EMG1: variants seen among roughly 807,000 people sequenced by gnomAD.
EMG1 encodes ribosomal RNA small subunit methyltransferase NEP1.
Under a neutral mutation model 26.9 loss-of-function variants are expected in EMG1, and 24 were observed. That is an observed-to-expected ratio of 0.89 (90% CI 0.65 to 1.26). The LOEUF is 1.26. Among genes scored for constraint, EMG1 ranks in the 50% most tolerant of loss-of-function variants. The pLI, the probability that EMG1 is intolerant of heterozygous loss-of-function variation, is 0.00. For synonymous variants in EMG1, 140 were observed against 112.6 expected (o/e 1.24, Z -1.54); for missense variants, 299 against 307.6 (o/e 0.97, Z 0.21).
At chr12:6,985,217 C>T (rs1456195282) in intron 6 of EMG1, among the ~76,000 whole-genome samples, 2 of 151,598 alleles carry the variant, frequency 1.3e-5, no homozygotes, top group African/African-American at 4.9e-5. Flanking sequence ...CGGTGAAACC[C>T]CGTCTCTACT....
intron 7 of EMG1, among the ~76,000 whole-genome samples, chr12:6,996,537 C>T (rs1215143801): frequency 6.6e-6 from 1 of 152,210 alleles, no homozygotes; most frequent in Non-Finnish European, 1.5e-5. Context: ...GTGCATAGTA[C>T]AGTTCCTGGT....
intron 6 of EMG1, among the ~76,000 whole-genome samples, chr12:6,985,259 G>A (rs868945618): frequency 1.3e-5 from 2 of 152,134 alleles, no homozygotes; most frequent in Middle Eastern, 3.4e-3. Context: ...AGCCGGGTGT[G>A]GTGGCGGGCG....
At chr12:6,972,328 A>G (rs902003452) in intron 1 of EMG1, among the ~76,000 whole-genome samples, 2 of 152,132 alleles carry the variant, frequency 1.3e-5, no homozygotes, top group African/African-American at 4.8e-5. Context: ...TGTCTCATGG[A>G]CTTAGTTCTT....
At chr12:6,981,729 G>C, downstream of EMG1, 2 of 1,365,978 alleles carry the variant, frequency 1.5e-6, no homozygotes, top group African/African-American at 1.4e-5. Flanking sequence ...GGCGGGGGGC[G>C]GAGGGGGGGT....
In EMG1 at chr12:6,978,779, A is replaced by G; in HGVS notation, c.*2970A>G. 1 of 1,550,718 alleles carries G rather than the reference A, an allele frequency of 6.4e-7. No individual in the cohort carries two copies. The highest frequency in any genetic ancestry group is 1.4e-5 in the African/African-American group (1 of 73,520). On this transcript the variant is annotated 3_prime_UTR_variant, in exon 6 of 6. Coordinates refer to ENST00000599672, the MANE Select transcript of EMG1 (RefSeq NM_006331.8). ...TTCCTTTTCACACTTGTGGCTGGCT[A>G]CTTCATACCTGCCTGAGTCCTGCTG...
Position 6,974,901 on chromosome 12 carries a change from G to T in EMG1, c.413-189G>T, listed in dbSNP as rs1946374750. The T allele has an allele frequency of 3.8e-6, 3 of 791,012 alleles. No individual in the cohort carries two copies. The South Asian group carries it at 5.0e-5, about 13-fold the overall frequency. 49.0% of individuals were successfully genotyped at this position (791,012 alleles called of 1,614,324 possible). On this transcript the variant is annotated intron_variant, in intron 3 of 5. Coordinates refer to ENST00000599672, the MANE Select transcript of EMG1 (RefSeq NM_006331.8). ...TAGCTTCCTGGCTGAGTGAAAGAGG[G>T]AGTCTGAACCCATCACTGTACAGCT...
chr12:6,983,567 G>T, downstream of EMG1: 1 of 1,426,262 alleles, frequency 7.0e-7, no homozygotes, highest in Non-Finnish European at 9.9e-7. Context: ...TAAGAAGAGT[G>T]TTATTTGTGC....
chr12:6,974,642 A>T lies in EMG1; in HGVS notation c.361A>T (p.Asn121Tyr). 6.2e-7 allele frequency: 1 copy of T among 1,614,008 alleles called. No homozygotes were observed. The highest frequency in any genetic ancestry group is 8.5e-7 in the Non-Finnish European group (1 of 1,179,892). ...ACAGAAGAATGTTCTGATTGAAGTG[A>T]ATCCCCAGACCCGAATTCCCAGAAC... The part of the protein sequence containing the change: ...HTQKNVLIEV[N>Y]PQTRIPRTFD... Residue 121 changes from asparagine to tyrosine, a missense_variant, in exon 3 of 6, where the codon AAT (asparagine) becomes TAT (tyrosine). Physicochemically the swap from Asn to Tyr is moderately radical, Grantham distance 143. Transcript: ENST00000599672.
At chr12:6,988,651 G>A (rs1192916956), downstream of EMG1, among the ~76,000 whole-genome samples, 3 of 152,154 alleles carry the variant, frequency 2.0e-5, no homozygotes, top group Non-Finnish European at 4.4e-5. Flanking sequence ...GTTGGCTTCC[G>A]TGGGTCTGAG....
Position 6,979,577 on chromosome 12 carries a change from A to T in EMG1, c.*3768A>T. 2.5e-6 allele frequency: 4 copies of T among 1,609,534 alleles called. No individual in the cohort carries two copies. Among genetic ancestry groups the T allele is most frequent in the Non-Finnish European group, 3.4e-6 (4 of 1,175,784 alleles). On this transcript the variant is annotated 3_prime_UTR_variant, in exon 6 of 6. Transcript: ENST00000599672. ...ACTCAGGCGCTTGAGAGCAGGAATGATGCTGGAAAGGAACGAGTGAAGTTC... is the reference window on the plus strand; with the variant it reads ...ACTCAGGCGCTTGAGAGCAGGAATGTTGCTGGAAAGGAACGAGTGAAGTTC...
rs1314342789 is a variant in EMG1, at chr12:6,971,187, A to G, written c.168+96A>G. 9 of 1,037,032 alleles carry G rather than the reference A, an allele frequency of 8.7e-6. No individual in the cohort carries two copies. The Admixed American group carries it at 1.9e-4, about 22-fold the overall frequency. The allele number at this position is 1,037,032 out of a possible 1,614,324, so 64.2% of individuals were successfully genotyped here. A position where few individuals can be genotyped will look rare whatever the true frequency, so the allele number is the denominator to read the frequency against. ...CCCAGAGTGGATGTAGAAAGCAGAGAGGGGTGAAAGATGCTTTTGAAGGAA... is the reference window on the plus strand; with the variant it reads ...CCCAGAGTGGATGTAGAAAGCAGAGGGGGGTGAAAGATGCTTTTGAAGGAA... On this transcript the variant is annotated intron_variant, in intron 1 of 5. Coordinates refer to ENST00000599672, the MANE Select transcript of EMG1 (RefSeq NM_006331.8).
In EMG1 at chr12:6,979,053, T is replaced by A. The variant is rs1488968769; in HGVS notation, c.*3244T>A. ...CCTGCCCAGAATTACTGAACTGTTT[T>A]CAAGCCTTTCAGCTGGGCAGGAGCA... On this transcript the variant is annotated 3_prime_UTR_variant, in exon 6 of 6. Transcript: ENST00000599672. 11 of 303,860 alleles carry A rather than the reference T, an allele frequency of 3.6e-5. No homozygotes were observed. The highest frequency in any genetic ancestry group is 2.2e-4 in the African/African-American group (10 of 46,182). 18.8% of individuals were successfully genotyped at this position (303,860 alleles called of 1,614,324 possible).
rs1157395768 is a variant in EMG1, at chr12:6,986,795, CAAAAAA to C, written c.*155-967_*155-962del. ...CTGGTGACAGAGTGAGACTCTGTCT[CAAAAAA>C]AAAAAAAAAAAAAAAAAAAGTTACA... On this transcript the variant is annotated intron_variant and NMD_transcript_variant, in intron 6 of 7. Transcript: ENST00000261406. 3.2e-4 allele frequency among the ~76,000 whole-genome samples: 11 copies of C among 33,922 alleles called. No individual in the cohort carries two copies. In the East Asian group the frequency reaches 8.6e-3, roughly 27 times the overall value. The allele number at this position is 33,922 out of a possible 152,430, so 22.3% of individuals were successfully genotyped here. A position where few individuals can be genotyped will look rare whatever the true frequency, so the allele number is the denominator to read the frequency against.
downstream of EMG1, chr12:6,981,304 G>A (rs1946469084): frequency 1.2e-6 from 1 of 809,042 alleles, no homozygotes; most frequent in Non-Finnish European, 2.0e-6. Context: ...TTCTCTTTGG[G>A]GGATGACAAA....
downstream of EMG1, chr12:6,980,941 G>C: frequency 6.8e-7 from 1 of 1,470,608 alleles, no homozygotes; most frequent in South Asian, 1.4e-5. Flanking sequence ...GCAGCTTTCA[G>C]AAGAGTCACT....
rs1565596326 is a variant in EMG1 at position 6,977,792 on chromosome 12, GCA to G, written c.*1984_*1985del. On this transcript the variant is annotated 3_prime_UTR_variant, in exon 6 of 6. Transcript: ENST00000599672. The surrounding 1 kb of genome is among the most constrained non-coding windows in gnomAD (Gnocchi z 4.5). Reference sequence around the variant, plus strand: ...GCGACCCTCAAACTGACTGGTCCTTGCATCCCGCCACCTGCCTCTGGGTCCTC... The same window carrying G: ...GCGACCCTCAAACTGACTGGTCCTTGTCCCGCCACCTGCCTCTGGGTCCTC... The G allele has an allele frequency of 6.2e-7, 1 of 1,609,164 alleles. No individual in the cohort carries two copies. Among genetic ancestry groups the G allele is most frequent in the Non-Finnish European group, 8.5e-7 (1 of 1,177,120 alleles).
rs952293183 is a variant in EMG1, at chr12:6,978,816, C to T, written c.*3007C>T. ...CCTGAGTCCTGCTGCCAGATGCCCT[C>T]AATAGTCTGGCCTGATTGCCTTCAC... On this transcript the variant is annotated 3_prime_UTR_variant, in exon 6 of 6. Transcript: ENST00000599672. 3 of 1,380,668 alleles carry T rather than the reference C, an allele frequency of 2.2e-6. No homozygotes were observed. The highest frequency in any genetic ancestry group is 1.4e-5 in the African/African-American group (1 of 69,050). The allele number at this position is 1,380,668 out of a possible 1,614,324, so 85.5% of individuals were successfully genotyped here. A position where few individuals can be genotyped will look rare whatever the true frequency, so the allele number is the denominator to read the frequency against.
chr12:6,989,091 C>T (rs1310660639), downstream of EMG1, among the ~76,000 whole-genome samples: 1 of 151,774 alleles, frequency 6.6e-6, no homozygotes, highest in Non-Finnish European at 1.5e-5. Context: ...CCATTGCACT[C>T]CAGCCTGGCA....
downstream of EMG1, among the ~76,000 whole-genome samples, chr12:6,988,969 A>T (rs1016090254): frequency 4.6e-5 from 7 of 152,054 alleles, no homozygotes; most frequent in Non-Finnish European, 1.0e-4. Flanking sequence ...ACTAAAAAAA[A>T]TACAAAATTA....
Sources: gnomAD v4.1 joint callset for allele counts (sites outside exome capture counted in the v4.1 genomes callset) on GRCh38, gnomAD v4.1.1 for gene constraint, Gnocchi (gnomAD v3.1) non-coding constraint, MANE v1.5 for transcripts, NCBI Gene and HGNC (gene_info 2026-07-23, HGNC 2026-07-21) for gene names.